Variants in MSN observed in about 807,000 individuals in gnomAD.
The protein encoded by MSN is epididymis luminal protein 70.
MSN carries 2 observed loss-of-function variants against 48.0 expected under a neutral mutation model. The observed-to-expected ratio is 0.04, with a 90% CI of 0.02 to 0.13. The LOEUF is 0.13. MSN is among the 10% of genes least tolerant of loss of function. MSN has a pLI of 1.00. For synonymous variants in MSN, 146 were observed against 166.9 expected, an observed-to-expected ratio of 0.87 and a Z score of 0.97; for missense variants, 267 against 470.1, an observed-to-expected ratio of 0.57 and a Z score of 3.99.
intron 2 of MSN, among the ~76,000 whole-genome samples, chrX:65,722,403 TCG>T (rs1491340501): frequency 1.3e-5 from 1 of 77,794 alleles, no homozygotes; most frequent in Admixed American, 1.2e-4. Flanking sequence ...GCGTGCACGC[TCG>T]TGTGTGTGTG....
chrX:65,712,239 A>G (rs1392295101), intron 1 of MSN, among the ~76,000 whole-genome samples: 1 of 111,654 alleles, frequency 9.0e-6, no homozygotes, highest in Non-Finnish European at 1.9e-5. Context: ...TCCTGCCTTC[A>G]GGGCCTTTCC....
chrX:65,696,433 G>A (rs2071240616), intron 1 of MSN, among the ~76,000 whole-genome samples: 1 of 111,567 alleles, frequency 9.0e-6, no homozygotes, highest in Admixed American at 9.5e-5. Context: ...AGATTTTTAG[G>A]GTTTGCTTTG....
intron 1 of MSN, among the ~76,000 whole-genome samples, chrX:65,652,582 C>T (rs1378725850): frequency 9.0e-6 from 1 of 111,490 alleles, no homozygotes; most frequent in African/African-American, 3.3e-5. Context: ...CCAGCAAGCC[C>T]CTGTAATTTT....
intron 1 of MSN, among the ~76,000 whole-genome samples, chrX:65,604,033 A>G (rs2070258637): frequency 1.8e-5 from 2 of 112,498 alleles, no homozygotes; most frequent in South Asian, 7.3e-4. Flanking sequence ...TGCTTTACAT[A>G]GATTAATTCA....
At chrX:65,724,777 C>A (rs140448392) in intron 2 of MSN, among the ~76,000 whole-genome samples, 2 of 111,275 alleles carry the variant, frequency 1.8e-5, no homozygotes, top group Non-Finnish European at 3.8e-5. Flanking sequence ...TCCTCCACCT[C>A]CCAGGTTCAA....
chrX:65,681,377 G>A (rs778536816), intron 1 of MSN, among the ~76,000 whole-genome samples: 12 of 111,957 alleles, frequency 1.1e-4, no homozygotes, highest in Non-Finnish European at 1.5e-4. Context: ...TCTCCAGGTG[G>A]AGGTGGTTAG....
At chrX:65,647,975 G>T (rs1202924690) in intron 1 of MSN, among the ~76,000 whole-genome samples, 1 of 111,621 alleles carries the variant, frequency 9.0e-6, no homozygotes, top group Non-Finnish European at 1.9e-5. Flanking sequence ...GAGCCAAAAA[G>T]GATGTGGGAA....
chrX:65,665,304 G>A (rs1000534877), upstream of MSN, among the ~76,000 whole-genome samples: 3 of 111,718 alleles, frequency 2.7e-5, no homozygotes, highest in Non-Finnish European at 5.6e-5. Flanking sequence ...GGTGGAAAAG[G>A]GCCAATGGCA....
At chrX:65,590,753 C>T (rs1197931030) in intron 1 of MSN, among the ~76,000 whole-genome samples, 2 of 110,069 alleles carry the variant, frequency 1.8e-5, no homozygotes, top group African/African-American at 6.6e-5. Flanking sequence ...GACGGAAGTC[C>T]AGCTGGATTA....
Position 65,716,719 on chromosome X carries a change from T to A in MSN, c.13-99T>A. 4 of 748,506 alleles carry A rather than the reference T, an allele frequency of 5.3e-6. No individual in the cohort carries two copies. In the South Asian group the frequency reaches 9.1e-5, roughly 17 times the overall value. 61.7% of individuals were successfully genotyped at this position (748,506 alleles called of 1,213,427 possible). A position where few individuals can be genotyped will look rare whatever the true frequency, so the allele number is the denominator to read the frequency against. ...ATCTAAGTTGCCCAGGCTCTTAGCA[T>A]CCTAACTCCTTCCTCTGTGGTTGAG... On this transcript the variant is annotated intron_variant, in intron 1 of 12. Coordinates refer to ENST00000360270, the MANE Select transcript of MSN (RefSeq NM_002444.3).
chrX:65,661,848 C>G (rs907896668), intron 1 of MSN, among the ~76,000 whole-genome samples: 7 of 112,224 alleles, frequency 6.2e-5, no homozygotes, highest in African/African-American at 2.3e-4. Flanking sequence ...GGCCCTGTCT[C>G]TACTAAAAAT....
chrX:65,662,094 C>T (rs1380660743), intron 1 of MSN, among the ~76,000 whole-genome samples: 1 of 111,866 alleles, frequency 8.9e-6, no homozygotes, highest in Non-Finnish European at 1.9e-5. Context: ...AAAGATCTCT[C>T]CAAGGAGAAG....
rs747645616 is a variant in MSN at position 65,733,139 on chromosome X, CT to C, written c.699-43del. The C allele has an allele frequency of 1.4e-5, 15 of 1,066,565 alleles. No individual in the cohort carries two copies. In the African/African-American group the frequency reaches 2.4e-4, roughly 17 times the overall value. 87.9% of individuals were successfully genotyped at this position (1,066,565 alleles called of 1,213,427 possible). A position where few individuals can be genotyped will look rare whatever the true frequency, so the allele number is the denominator to read the frequency against. On this transcript the variant is annotated intron_variant, in intron 6 of 12. Transcript: ENST00000360270. ...CAAGCCCCCAGTTCTCTACACCCTT[CT>C]TGTCTTGCCCTTGTCCTGATGTTAT...
chrX:65,736,521 G>A (rs1040474159), intron 8 of MSN, among the ~76,000 whole-genome samples: 3 of 106,373 alleles, frequency 2.8e-5, no homozygotes, highest in Admixed American at 1.0e-4. Context: ...TGCAACCTCC[G>A]CCTCCTGTCT....
At chrX:65,604,105 G>T (rs2070259080) in intron 1 of MSN, among the ~76,000 whole-genome samples, 3 of 112,394 alleles carry the variant, frequency 2.7e-5, no homozygotes, top group Admixed American at 9.4e-5. Context: ...TTCCCATTTT[G>T]CAGGTAAGGG....
intron 1 of MSN, among the ~76,000 whole-genome samples, chrX:65,672,258 T>C (rs1356421623): frequency 8.9e-6 from 1 of 112,429 alleles, no homozygotes; most frequent in Non-Finnish European, 1.9e-5. Context: ...TTGGCATTGT[T>C]ACAGATTGCT....
chrX:65,674,427 C>T (rs2070975710), intron 1 of MSN, among the ~76,000 whole-genome samples: 1 of 111,522 alleles, frequency 9.0e-6, no homozygotes, highest in Admixed American at 9.5e-5. Flanking sequence ...AGAACTGGCT[C>T]TGTGGTGATT....
At chrX:65,638,689 G>A (rs1390275216) in intron 1 of MSN, among the ~76,000 whole-genome samples, 2 of 112,427 alleles carry the variant, frequency 1.8e-5, no homozygotes, top group Non-Finnish European at 3.8e-5. Context: ...CAAGTAGCTG[G>A]GATTAGAAGT....
intron 1 of MSN, among the ~76,000 whole-genome samples, chrX:65,602,435 T>C (rs2070243749): frequency 9.0e-6 from 1 of 111,729 alleles, no homozygotes; most frequent in African/African-American, 3.3e-5. Context: ...TCCCCTCCCA[T>C]GCTTCCTTCA....
Sources: gnomAD v4.1 joint callset for allele counts (sites outside exome capture counted in the v4.1 genomes callset) on GRCh38, gnomAD v4.1.1 for gene constraint, MANE v1.5 for transcripts, NCBI Gene and HGNC (gene_info 2026-07-23, HGNC 2026-07-21) for gene names.